The following C3orf49 variants were observed in gnomAD, a reference collection of about 807,000 sequenced individuals.
C3orf49 encodes the protein putative uncharacterized protein C3orf49.
C3orf49 carries 27 observed loss-of-function variants against 13.3 expected under a neutral mutation model. That is an observed-to-expected ratio of 2.02 (90% confidence interval 1.49 to 2.79). The LOEUF is 2.79. Ranked by LOEUF, C3orf49 falls within the 30% of genes most tolerant of loss-of-function variation. The probability of loss-of-function intolerance (pLI) is 0.00; values close to 1 mark genes in which losing one functional copy is unlikely to be tolerated. For synonymous variants in C3orf49, 87 were observed against 47.6 expected, an observed-to-expected ratio of 1.83 and a Z score of -3.40; for missense variants, 242 against 134.2, an observed-to-expected ratio of 1.80 and a Z score of -3.97.
the C3orf49 span, among the ~76,000 whole-genome samples, chr3:63,803,621 C>T: frequency 6.6e-6 from 1 of 152,094 alleles, no homozygotes; most frequent in East Asian, 1.9e-4. Context: ...GCCATGGGGA[C>T]CATGTAGAGG....
the C3orf49 span, among the ~76,000 whole-genome samples, chr3:63,807,274 ATAAT>A: frequency 3.9e-5 from 6 of 152,180 alleles, no homozygotes; most frequent in Non-Finnish European, 8.8e-5. Context: ...TTTTGAATGA[ATAAT>A]AAATAATATT....
chr3:63,788,788 C>T, the C3orf49 span, among the ~76,000 whole-genome samples: 4 of 151,530 alleles, frequency 2.6e-5, no homozygotes, highest in African/African-American at 9.7e-5. Context: ...CCCAGGGTCA[C>T]AAAGCTAGAA....
chr3:63,790,242 C>A, the C3orf49 span, among the ~76,000 whole-genome samples: 1 of 152,078 alleles, frequency 6.6e-6, no homozygotes, highest in Non-Finnish European at 1.5e-5. Context: ...GTGGACTTAC[C>A]CAGGTGTTTA....
intron 5 of C3orf49, chr3:63,834,259 G>A: frequency 6.6e-7 from 1 of 1,514,664 alleles, no homozygotes; most frequent in Non-Finnish European, 9.1e-7. Flanking sequence ...TATATTCGAT[G>A]AACACATGAA....
At chr3:63,815,849 C>G (rs1701318487), upstream of C3orf49, among the ~76,000 whole-genome samples, 1 of 150,226 alleles carries the variant, frequency 6.7e-6, no homozygotes. Flanking sequence ...TCACTGCATC[C>G]TCTGCCTCCT....
the C3orf49 span, chr3:63,805,153 T>C: frequency 2.0e-5 from 3 of 152,130 alleles, no homozygotes; most frequent in Non-Finnish European, 2.9e-5. Context: ...CACAGTGACT[T>C]TGGCAATCTG....
At chr3:63,847,922 C>A (rs1240502498) in intron 6 of C3orf49, among the ~76,000 whole-genome samples, 2 of 152,086 alleles carry the variant, frequency 1.3e-5, no homozygotes, top group Non-Finnish European at 2.9e-5. Context: ...CTAGTTTAGG[C>A]CATGATGGGA....
chr3:63,839,839 TC>T, intron 5 of C3orf49: 5 of 1,283,896 alleles, frequency 3.9e-6, no homozygotes, highest in Non-Finnish European at 5.6e-6. Flanking sequence ...ATAACCAGTA[TC>T]ACTGTTCATT....
At chr3:63,806,324 C>T in the C3orf49 span, among the ~76,000 whole-genome samples, 2 of 152,190 alleles carry the variant, frequency 1.3e-5, no homozygotes, top group Non-Finnish European at 2.9e-5. Flanking sequence ...GGCTTCCTTA[C>T]CCCACTCTGG....
chr3:63,827,617 T>C lies in C3orf49; in HGVS notation c.462T>C (p.Asp154=), dbSNP rs1394550620. ...TTCTTGAAGCGACTATACAACTTGA[T>C]GTTGTAGAGGCAGAGACAGAGGAGA... ...KLSENATIQL[D]VVEAETEEIT... The change falls in exon 3 of 7, where the codon GAT becomes GAC. Residue 154 remains aspartate, a synonymous_variant. Coordinates refer to ENST00000295896, the MANE Select transcript of C3orf49 (RefSeq NM_001355236.2). 1.4e-6 allele frequency: 1 copy of C among 703,226 alleles called. No homozygotes were observed. Among genetic ancestry groups the C allele is most frequent in the Non-Finnish European group, 2.6e-6 (1 of 385,038 alleles). 43.6% of individuals were successfully genotyped at this position (703,226 alleles called of 1,614,324 possible).
chr3:63,817,078 T>G (rs1280983021), upstream of C3orf49, among the ~76,000 whole-genome samples: 1 of 152,012 alleles, frequency 6.6e-6, no homozygotes, highest in East Asian at 1.9e-4. Flanking sequence ...CTGACCGCTT[T>G]CTTCCACATT....
chr3:63,788,599 A>T, the C3orf49 span, among the ~76,000 whole-genome samples: 1 of 152,140 alleles, frequency 6.6e-6, no homozygotes, highest in Admixed American at 6.5e-5. Flanking sequence ...AACTTGCAAC[A>T]TTGGAAGGGC....
chr3:63,844,583 C>T (rs770326456), intron 5 of C3orf49, among the ~76,000 whole-genome samples: 24 of 152,148 alleles, frequency 1.6e-4, no homozygotes, highest in Admixed American at 3.9e-4. Flanking sequence ...AAGAAGTGAT[C>T]AGGTCATTAG....
chr3:63,786,369 T>C, the C3orf49 span, among the ~76,000 whole-genome samples: 3 of 152,168 alleles, frequency 2.0e-5, no homozygotes, highest in Non-Finnish European at 1.5e-5. Context: ...ATTTTCCTGT[T>C]CTCTTATGTT....
upstream of C3orf49, among the ~76,000 whole-genome samples, chr3:63,816,705 T>C (rs1336065985): frequency 6.6e-6 from 1 of 151,700 alleles, no homozygotes; most frequent in African/African-American, 2.4e-5. Context: ...CCCTCCAGCT[T>C]ATCACACACA....
chr3:63,780,615 A>T, the C3orf49 span, among the ~76,000 whole-genome samples: 1 of 152,188 alleles, frequency 6.6e-6, no homozygotes, highest in Non-Finnish European at 1.5e-5. Context: ...CCAACAGTGT[A>T]AAAGTGTTCC....
At chr3:63,826,703 T>C (rs1181121608) in intron 2 of C3orf49, 1 of 152,218 alleles carries the variant, frequency 6.6e-6, no homozygotes, top group Non-Finnish European at 1.5e-5. Flanking sequence ...GCACACTGCA[T>C]GAAGAACAGT....
upstream of C3orf49, among the ~76,000 whole-genome samples, chr3:63,818,848 C>A (rs536008788): frequency 2.0e-5 from 3 of 152,272 alleles, no homozygotes; most frequent in Non-Finnish European, 4.4e-5. Context: ...CTTTGAGAGA[C>A]CACTGCAAAA....
At chr3:63,813,065 C>T in the C3orf49 span, among the ~76,000 whole-genome samples, 13 of 152,310 alleles carry the variant, frequency 8.5e-5, 1 homozygote, top group Admixed American at 7.8e-4. Flanking sequence ...CAGTACACCA[C>T]AGATTACCTC....
Sources: gnomAD v4.1 joint callset for allele counts (sites outside exome capture counted in the v4.1 genomes callset) on GRCh38, gnomAD v4.1.1 for gene constraint, MANE v1.5 for transcripts, NCBI Gene and HGNC (gene_info 2026-07-23, HGNC 2026-07-21) for gene names.